GJC3: variants seen among roughly 807,000 people sequenced by gnomAD.
GJC3 encodes the protein gap junction gamma-3 protein.
A neutral mutation model predicts 19.8 loss-of-function variants in GJC3; 17 were observed. That is an observed-to-expected ratio of 0.86 (90% CI 0.59 to 1.29). The LOEUF (loss-of-function observed/expected upper bound fraction) is 1.29. Ranked by LOEUF, GJC3 falls within the 50% of genes most tolerant of loss-of-function variation. GJC3 has a pLI of 0.00. For missense variants in GJC3, 317 were observed against 332.5 expected (o/e 0.95, Z 0.36); for synonymous variants, 140 against 136.5 (o/e 1.03, Z -0.18).
At chr7:99,930,239 A>C (rs1819876773), upstream of GJC3, among the ~76,000 whole-genome samples, 1 of 152,216 alleles carries the variant, frequency 6.6e-6, no homozygotes, top group Non-Finnish European at 1.5e-5. Flanking sequence ...GGATGAAATG[A>C]ACAGAGCAAG....
intron 1 of GJC3, among the ~76,000 whole-genome samples, chr7:99,924,905 T>C (rs933884801): frequency 1.3e-5 from 2 of 152,186 alleles, no homozygotes; most frequent in African/African-American, 4.8e-5. Flanking sequence ...TGTATTTCTC[T>C]TCCCTAACCC....
At chr7:99,928,012 G>C (rs1489484509) in intron 1 of GJC3, among the ~76,000 whole-genome samples, 1 of 152,240 alleles carries the variant, frequency 6.6e-6, no homozygotes, top group Admixed American at 6.5e-5. Flanking sequence ...CGGGTATTTG[G>C]ATAAATCTAT....
At position 99,929,518 on chromosome 7, in the gene GJC3, G is replaced by T. The variant is rs1284339371; in HGVS notation, c.103C>A (p.Leu35Met). ...ACTCCAGGCCCACTGGCAGCCAGCA[G>T]CACAAGGCGGAATCCCAGGAGCACG... ...LPVLLGFRLV[L>M]LAASGPGVYG... The change falls in exon 1 of 2, where the codon CTG (leucine) becomes ATG (methionine). Residue 35 changes from leucine to methionine, a missense_variant. Coordinates refer to ENST00000312891, the MANE Select transcript of GJC3 (RefSeq NM_181538.3). The T allele has an allele frequency of 6.2e-7, 1 of 1,614,152 alleles. No homozygotes were observed. Among genetic ancestry groups the T allele is most frequent in the Non-Finnish European group, 8.5e-7 (1 of 1,180,044 alleles).
At chr7:99,927,296 C>T (rs1265329764) in intron 1 of GJC3, among the ~76,000 whole-genome samples, 1 of 152,220 alleles carries the variant, frequency 6.6e-6, no homozygotes, top group Non-Finnish European at 1.5e-5. Context: ...ACCTATTCTC[C>T]TGCCTCACTT....
chr7:99,930,565 C>A (rs959806025), upstream of GJC3, among the ~76,000 whole-genome samples: 20 of 152,190 alleles, frequency 1.3e-4, no homozygotes, highest in African/African-American at 4.8e-4. Flanking sequence ...CAGCTGCCTT[C>A]CCCAATGCCC....
chr7:99,926,553 A>C (rs1406959159), intron 1 of GJC3, among the ~76,000 whole-genome samples: 1 of 152,264 alleles, frequency 6.6e-6, no homozygotes, highest in African/African-American at 2.4e-5. Context: ...ACCTCAAGTT[A>C]TGCTCAGTGA....
upstream of GJC3, chr7:99,929,641 A>C: frequency 1.3e-6 from 2 of 1,588,014 alleles, no homozygotes; most frequent in Non-Finnish European, 1.7e-6. Flanking sequence ...AGCAGAGGAC[A>C]AGAGATCAGT....
Position 99,929,242 on chromosome 7 carries a change from C to T in GJC3, c.379G>A (p.Gly127Arg). The T allele has an allele frequency of 6.2e-7, 1 of 1,614,218 alleles. No individual in the cohort carries two copies. Among genetic ancestry groups the T allele is most frequent in the Non-Finnish European group, 8.5e-7 (1 of 1,180,034 alleles). Reference protein sequence around the residue: ...QGREGNTDVPGAGSLRLLWAY... With the variant: ...QGREGNTDVPRAGSLRLLWAY... ...CAGAGCAGCCTGAGGCTTCCAGCCCCTGGGACATCTGTGTTGCCCTCCCGT... is the reference window on the plus strand; with the variant it reads ...CAGAGCAGCCTGAGGCTTCCAGCCCTTGGGACATCTGTGTTGCCCTCCCGT... Residue 127 changes from glycine (G) to arginine (R), a missense_variant, in exon 1 of 2, where the codon GGG becomes AGG. Transcript: ENST00000312891.
At chr7:99,925,415 T>C (rs547265125) in intron 1 of GJC3, among the ~76,000 whole-genome samples, 22 of 152,318 alleles carry the variant, frequency 1.4e-4, no homozygotes, top group African/African-American at 5.3e-4. Context: ...GAGACCTAAA[T>C]GTAAGAGCTG....
intron 1 of GJC3, among the ~76,000 whole-genome samples, chr7:99,924,909 C>G (rs769942714): frequency 2.0e-5 from 3 of 152,162 alleles, no homozygotes; most frequent in Non-Finnish European, 4.4e-5. Flanking sequence ...TTTCTCTTCC[C>G]TAACCCTAAA....
intron 1 of GJC3, among the ~76,000 whole-genome samples, chr7:99,925,124 T>G (rs1819768104): frequency 6.6e-6 from 1 of 152,104 alleles, no homozygotes; most frequent in Admixed American, 6.5e-5. Flanking sequence ...CAAAAATAAT[T>G]GTACATTATA....
At position 99,923,413 on chromosome 7, in the gene GJC3, A is replaced by G. The variant is rs906846874; in HGVS notation, c.*132T>C. 1.3e-6 allele frequency: 1 copy of G among 759,532 alleles called. No homozygotes were observed. Among genetic ancestry groups the G allele is most frequent in the Non-Finnish European group, 2.4e-6 (1 of 409,706 alleles). 47.0% of individuals were successfully genotyped at this position (759,532 alleles called of 1,614,324 possible). A position where few individuals can be genotyped will look rare whatever the true frequency, so the allele number is the denominator to read the frequency against. On this transcript the variant is annotated 3_prime_UTR_variant, in exon 2 of 2. Transcript: ENST00000312891. Reference sequence around the variant, plus strand: ...AGTCATTGTATGTAGAGGTGGAGTCAAGGCAGCGCAGTCCCAGTTGTCGGT... The same window carrying G: ...AGTCATTGTATGTAGAGGTGGAGTCGAGGCAGCGCAGTCCCAGTTGTCGGT...
Position 99,928,821 on chromosome 7 carries a change from G to A in GJC3, c.781+19C>T. 1.2e-6 allele frequency: 2 copies of A among 1,611,750 alleles called. No homozygotes were observed. Among genetic ancestry groups the A allele is most frequent in the Non-Finnish European group, 1.7e-6 (2 of 1,177,824 alleles). Reference sequence around the variant, plus strand: ...AGGACACAAACATCAGTGACAGGAAGAGAGCGTGTCCTTCTCACCTGCTTC... The same window carrying A: ...AGGACACAAACATCAGTGACAGGAAAAGAGCGTGTCCTTCTCACCTGCTTC... On this transcript the variant is annotated intron_variant, in intron 1 of 1. Coordinates refer to ENST00000312891, the MANE Select transcript of GJC3 (RefSeq NM_181538.3).
At position 99,929,210 on chromosome 7, in the gene GJC3, A is replaced by G. The variant is rs767451112; in HGVS notation, c.411T>C (p.Tyr137=). 5 of 1,614,072 alleles carry G rather than the reference A, an allele frequency of 3.1e-6. No homozygotes were observed. Among genetic ancestry groups the G allele is most frequent in the South Asian group, 2.2e-5 (2 of 91,086 alleles). ...CAAGCCGAGCCCCCAGCTGAGCCAC[A>G]TAAGCCCAGAGCAGCCTGAGGCTTC... ...GAGSLRLLWA[Y]VAQLGARLVL... The change falls in exon 1 of 2, where the codon TAT becomes TAC. Residue 137 remains tyrosine (Y), a synonymous_variant. Transcript: ENST00000312891.
chr7:99,929,426 G>A lies in GJC3; in HGVS notation c.195C>T (p.Phe65=), dbSNP rs760814183. 1.3e-5 allele frequency: 21 copies of A among 1,613,940 alleles called. No homozygotes were observed. Among genetic ancestry groups the A allele is most frequent in the South Asian group, 7.7e-5 (7 of 91,070 alleles). ...TQQPGCKAAC[F]DAFHPLSPLR... ...GCGGGGAGAGGGGGTGGAAGGCATC[G>A]AAGCAGGCAGCCTTGCAGCCCGGCT... Residue 65 remains phenylalanine, a synonymous_variant, in exon 1 of 2, where the codon TTC becomes TTT. Coordinates refer to ENST00000312891, the MANE Select transcript of GJC3 (RefSeq NM_181538.3).
rs747288972 is a variant in GJC3, at chr7:99,928,963, TC to T, written c.657del (p.Trp219Ter). On this transcript the variant is annotated frameshift_variant, in exon 1 of 2. Transcript: ENST00000312891. LOFTEE classifies it high-confidence loss of function. ...ELVLLGLGRW[W>X]RTWKHKSSSS... The stretch of plus-strand genomic sequence containing the variant: ...GAGGAAGATTTGTGCTTCCAGGTCC[TC>T]CACCATCTCCCCAAACCCAGAAGCA... 6.2e-7 allele frequency: 1 copy of T among 1,614,140 alleles called. No individual in the cohort carries two copies. The highest frequency in any genetic ancestry group is 1.1e-5 in the South Asian group (1 of 91,070).
intron 1 of GJC3, among the ~76,000 whole-genome samples, chr7:99,927,527 T>C (rs1819828269): frequency 6.6e-6 from 1 of 151,952 alleles, no homozygotes; most frequent in African/African-American, 2.4e-5. Flanking sequence ...TGGGATCCCC[T>C]AACTTACTTG....
In GJC3 at chr7:99,929,460, T is replaced by A; in HGVS notation, c.161A>T (p.His54Leu). 1 of 1,613,542 alleles carries A rather than the reference T, an allele frequency of 6.2e-7. No homozygotes were observed. The highest frequency in any genetic ancestry group is 8.5e-7 in the Non-Finnish European group (1 of 1,179,578). The part of the protein sequence containing the change: ...YGDEQSEFVC[H>L]TQQPGCKAAC... ...AGCCTTGCAGCCCGGCTGCTGGGTGTGACACACGAATTCACTCTGCTCATC... is the reference window on the plus strand; with the variant it reads ...AGCCTTGCAGCCCGGCTGCTGGGTGAGACACACGAATTCACTCTGCTCATC... The change falls in exon 1 of 2, where the codon CAC becomes CTC. Residue 54 changes from histidine to leucine, a missense_variant. Physicochemically the swap from His to Leu is moderately conservative, Grantham distance 99. Transcript: ENST00000312891.
Position 99,929,477 on chromosome 7 carries a change from C to T in GJC3, c.144G>A (p.Gln48=). Residue 48 remains glutamine (Q), a synonymous_variant, in exon 1 of 2, where the codon CAG becomes CAA. Coordinates refer to ENST00000312891, the MANE Select transcript of GJC3 (RefSeq NM_181538.3). ...GCTGGGTGTGACACACGAATTCACT[C>T]TGCTCATCACCATAGACTCCAGGCC... ...ASGPGVYGDE[Q]SEFVCHTQQP... 6.2e-7 allele frequency: 1 copy of T among 1,613,958 alleles called. No homozygotes were observed. Among genetic ancestry groups the T allele is most frequent in the Non-Finnish European group, 8.5e-7 (1 of 1,179,848 alleles).
Sources: allele counts gnomAD v4.1 joint callset (sites outside exome capture counted in the v4.1 genomes callset), GRCh38; gene constraint gnomAD v4.1.1; transcripts MANE v1.5; gene names NCBI Gene and HGNC (gene_info 2026-07-23, HGNC 2026-07-21).